The following SLC3A1 variants were observed in gnomAD, a reference collection of about 807,000 sequenced individuals.
The protein encoded by SLC3A1 is solute carrier family 3 member 1.
SLC3A1 carries 78 observed loss-of-function variants against 60.3 expected under a neutral mutation model. That is an observed-to-expected ratio of 1.29 (90% confidence interval 1.08 to 1.56). SLC3A1 has a LOEUF of 1.56. SLC3A1 is among the 40% of genes most tolerant of loss of function. The pLI is 0.00. For missense variants in SLC3A1, 1,172 were observed against 858.9 expected (o/e 1.36, Z -4.56); for synonymous variants, 392 against 307.9 (o/e 1.27, Z -2.86).
chr2:44,315,740 G>A (rs1014574686), intron 9 of SLC3A1, among the ~76,000 whole-genome samples: 1 of 150,428 alleles, frequency 6.6e-6, no homozygotes, highest in African/African-American at 2.4e-5. Context: ...AGACAGCACT[G>A]TAGGAATTTC....
chr2:44,290,744 T>G (rs1382733458), intron 4 of SLC3A1, among the ~76,000 whole-genome samples: 1 of 151,526 alleles, frequency 6.6e-6, no homozygotes, highest in African/African-American at 2.4e-5. Flanking sequence ...TGTTTTGGAA[T>G]TGGTTCTGGA....
In SLC3A1 at chr2:44,275,830, G is replaced by C. The variant is rs1671330455; in HGVS notation, c.295G>C (p.Val99Leu). Residue 99 changes from valine to leucine, a missense_variant, in exon 1 of 10, where the codon GTG becomes CTG. Val to Leu is a conservative substitution (Grantham distance 32). Coordinates refer to ENST00000260649, the MANE Select transcript of SLC3A1 (RefSeq NM_000341.4). ...CTGGCTCACAGTGGCTTCTGTGCTG[G>C]TGCTCATCGCGGCCACCATAGCCAT... ...LFWLTVASVLVLIAATIAIIA... is the reference protein window; with the variant it reads ...LFWLTVASVLLLIAATIAIIA... The C allele has an allele frequency of 6.2e-7, 1 of 1,614,132 alleles. No individual in the cohort carries two copies. Among genetic ancestry groups the C allele is most frequent in the African/African-American group, 1.3e-5 (1 of 74,944 alleles).
intron 4 of SLC3A1, among the ~76,000 whole-genome samples, chr2:44,286,973 C>T (rs1168651898): frequency 2.0e-5 from 3 of 152,136 alleles, no homozygotes; most frequent in Non-Finnish European, 1.5e-5. Flanking sequence ...CTATGAAACA[C>T]AGTTGGTGGC....
Position 44,304,301 on chromosome 2 carries a change from T to G in SLC3A1, c.1295T>G (p.Met432Arg), listed in dbSNP as rs767350315. Reference sequence around the variant, plus strand: ...GTGTATGAGGTTATCACATCCTGGATGGAAAACATGCCAGAAGGAAAATGG... The same window carrying G: ...GTGTATGAGGTTATCACATCCTGGAGGGAAAACATGCCAGAAGGAAAATGG... ...NSVYEVITSW[M>R]ENMPEGKWPN... is the part of the protein sequence containing the mutation. The change falls in exon 7 of 10, where the codon ATG (methionine) becomes AGG (arginine). Residue 432 changes from methionine (M) to arginine (R), a missense_variant. Transcript: ENST00000260649. 6.2e-7 allele frequency: 1 copy of G among 1,614,094 alleles called. No individual in the cohort carries two copies. The highest frequency in any genetic ancestry group is 2.2e-5 in the East Asian group (1 of 44,898).
In SLC3A1 at chr2:44,305,166, T is replaced by G. The variant is rs528157730; in HGVS notation, c.1332+828T>G. Among the ~76,000 whole-genome samples, 79 of 152,192 alleles carry G rather than the reference T, an allele frequency of 5.2e-4. No homozygotes were observed. In the Middle Eastern group the frequency reaches 0.02, roughly 39 times the overall value. ...TTTTTCAAGACTGGCAATACATTAC[T>G]TCAGTGAAGAACAGAAGATACAGCA... On this transcript the variant is annotated intron_variant, in intron 7 of 9. Transcript: ENST00000260649.
At chr2:44,300,429 C>G (rs1394095252) in intron 5 of SLC3A1, among the ~76,000 whole-genome samples, 1 of 152,104 alleles carries the variant, frequency 6.6e-6, no homozygotes, top group South Asian at 2.1e-4. Context: ...GTGAGGAGGC[C>G]TTGGCTTGGA....
chr2:44,281,026 CT>C, intron 2 of SLC3A1, 131 bp downstream of exon 2: 1 of 712,408 alleles, frequency 1.4e-6, no homozygotes. Flanking sequence ...TCCCTTCCTT[CT>C]TTCTTTCCTT....
Position 44,312,668 on chromosome 2 carries a change from T to A in SLC3A1, c.1415T>A (p.Leu472His), listed in dbSNP as rs375833904. The A allele has an allele frequency of 3.1e-6, 5 of 1,613,542 alleles. No individual in the cohort carries two copies. In the African/African-American group the frequency reaches 6.7e-5, roughly 22 times the overall value. The part of the protein sequence containing the change: ...VNVMNMLLFT[L>H]PGTPITYYGE... The stretch of plus-strand genomic sequence containing the variant: ...GTGATGAACATGCTTCTTTTCACAC[T>A]CCCTGGAACTCCTATAACTTACTAT... The change falls in exon 8 of 10, where the codon CTC becomes CAC. Residue 472 changes from leucine to histidine, a missense_variant. Leu to His is a moderately conservative substitution (Grantham distance 99). Transcript: ENST00000260649.
chr2:44,282,943 C>T (rs573720876), intron 3 of SLC3A1, among the ~76,000 whole-genome samples: 4 of 152,296 alleles, frequency 2.6e-5, no homozygotes, highest in Non-Finnish European at 5.9e-5. Context: ...CAGGTGTAAG[C>T]CACTGTGCCC....
At chr2:44,305,901 G>C (rs1672142595) in intron 7 of SLC3A1, among the ~76,000 whole-genome samples, 1 of 152,090 alleles carries the variant, frequency 6.6e-6, no homozygotes, top group African/African-American at 2.4e-5. Flanking sequence ...TGAGGTGTCA[G>C]GTCTACCTAT....
At chr2:44,281,662 G>T (rs1272333562) in intron 3 of SLC3A1, 121 bp downstream of exon 3, 1 of 874,206 alleles carries the variant, frequency 1.1e-6, no homozygotes, top group African/African-American at 1.7e-5. Flanking sequence ...AAGGGGGCAA[G>T]TTTCTGAAAG....
chr2:44,304,458 T>C (rs533663873), intron 7 of SLC3A1, 120 bp downstream of exon 7: 2 of 814,040 alleles, frequency 2.5e-6, no homozygotes, highest in East Asian at 2.7e-5. Flanking sequence ...TATTTGGTGA[T>C]TGTTCAGTGG....
intron 3 of SLC3A1, among the ~76,000 whole-genome samples, chr2:44,283,403 A>G (rs1055108645): frequency 1.3e-5 from 2 of 151,904 alleles, no homozygotes; most frequent in African/African-American, 4.8e-5. Context: ...CAAAATACTT[A>G]CTCTGTGCCA....
chr2:44,305,497 G>T (rs1052095370), intron 7 of SLC3A1, among the ~76,000 whole-genome samples: 1 of 143,872 alleles, frequency 7.0e-6, no homozygotes, highest in African/African-American at 2.6e-5. Context: ...GCGTGATCTT[G>T]GCTTACTGCA....
At chr2:44,307,056 T>C (rs1463704197) in intron 7 of SLC3A1, among the ~76,000 whole-genome samples, 1 of 152,202 alleles carries the variant, frequency 6.6e-6, no homozygotes. Flanking sequence ...TCCGTGTCTA[T>C]GGATTTGCCT....
intron 1 of SLC3A1, among the ~76,000 whole-genome samples, chr2:44,279,448 C>A (rs976844137): frequency 1.3e-5 from 2 of 152,172 alleles, no homozygotes; most frequent in Non-Finnish European, 2.9e-5. Context: ...TTCCTCTGCC[C>A]CTGGGGGTCA....
chr2:44,312,909 G>C, intron 8 of SLC3A1, 156 bp downstream of exon 8: 1 of 650,938 alleles, frequency 1.5e-6, no homozygotes, highest in Non-Finnish European at 2.6e-6. Context: ...AGAATTCTCA[G>C]CTTTCTTGGT....
intron 3 of SLC3A1, among the ~76,000 whole-genome samples, chr2:44,284,207 G>A (rs1671560781): frequency 6.6e-6 from 1 of 152,082 alleles, no homozygotes. Context: ...AGCCTCTCAA[G>A]TAGCTGGAAC....
At chr2:44,310,167 A>G (rs893952134) in intron 7 of SLC3A1, among the ~76,000 whole-genome samples, 1 of 152,164 alleles carries the variant, frequency 6.6e-6, no homozygotes, top group South Asian at 2.1e-4. Context: ...TGTTAGGATT[A>G]CAGGTGTGAG....
Sources: allele counts gnomAD v4.1 joint callset (sites outside exome capture counted in the v4.1 genomes callset), GRCh38; gene constraint gnomAD v4.1.1; transcripts MANE v1.5; gene names NCBI Gene and HGNC (gene_info 2026-07-23, HGNC 2026-07-21).